The following KAZN variants were observed in gnomAD, a reference collection of about 807,000 sequenced individuals.
The protein encoded by KAZN is kazrin, periplakin interacting protein, also known as kazrin.
In KAZN, 40 loss-of-function variants were observed where a neutral mutation model predicts 87.4. The ratio of observed to expected loss-of-function variants is 0.46; its 90% CI spans 0.36 to 0.60. KAZN has a LOEUF of 0.60. Among genes scored for constraint, KAZN ranks in the 20% least tolerant of loss-of-function variants. The pLI is 0.00. For missense variants in KAZN, 898 were observed against 1,073.9 expected, an observed-to-expected ratio of 0.84 and a Z score of 2.29; for synonymous variants, 466 against 458.3, an observed-to-expected ratio of 1.02 and a Z score of -0.22.
rs183402782 is a variant in KAZN at position 13,966,795 on chromosome 1, A to C, written c.91+73039A>C. Among the ~76,000 whole-genome samples the C allele has an allele frequency of 6.0e-4, 92 of 152,366 alleles. No homozygotes were observed. The Middle Eastern group carries it at 0.02, about 34-fold the overall frequency. On this transcript the variant is annotated intron_variant, in intron 1 of 16. Coordinates refer to the KAZN transcript ENST00000636203. ...TTTTTTATAATTTTTTATATTGGTTACTTGTTGACCTGGTTGTTTTTTGAT... is the reference window on the plus strand; with the variant it reads ...TTTTTTATAATTTTTTATATTGGTTCCTTGTTGACCTGGTTGTTTTTTGAT...
intron 1 of KAZN, among the ~76,000 whole-genome samples, chr1:14,834,787 G>A (rs1278427143): frequency 1.3e-5 from 2 of 151,716 alleles, no homozygotes; most frequent in African/African-American, 4.9e-5. Context: ...CTACCCTGAT[G>A]GAGCTTGGAG....
rs1206723944 is a variant in KAZN, at chr1:14,589,896, GCAGAAGTC to G, written c.250-9084_250-9077del. On this transcript the variant is annotated intron_variant, in intron 2 of 16. Coordinates refer to the KAZN transcript ENST00000636203. ...AGTAGAAAGAAATGAACTCAAGGAA[GCAGAAGTC>G]CATAAGAATCTGGGAAAAGAATGGG... Among the ~76,000 whole-genome samples, 3 of 152,280 alleles carry G rather than the reference GCAGAAGTC, an allele frequency of 2.0e-5. No homozygotes were observed. In the East Asian group the frequency reaches 5.8e-4, roughly 29 times the overall value.
chr1:14,351,484 GGGA>G (rs1658545309), intron 2 of KAZN, among the ~76,000 whole-genome samples: 1 of 152,164 alleles, frequency 6.6e-6, no homozygotes, highest in African/African-American at 2.4e-5. Flanking sequence ...GCTTGAACCC[GGGA>G]GGAGGAGGTT....
At chr1:15,103,494 G>A (rs1016281027) in intron 12 of KAZN, 34 bp downstream of exon 12, 9 of 1,383,160 alleles carry the variant, frequency 6.5e-6, no homozygotes, top group South Asian at 2.5e-5. Context: ...GGTGACTCTC[G>A]GGCATACACA....
At chr1:14,223,208 A>G (rs1647147262) in intron 2 of KAZN, 1 of 152,128 alleles carries the variant, frequency 6.6e-6, no homozygotes, top group African/African-American at 2.4e-5. Context: ...AGCAAGAAAC[A>G]CCTTTTGGGG....
chr1:14,754,070 C>T (rs1241293694), intron 1 of KAZN, among the ~76,000 whole-genome samples: 1 of 152,178 alleles, frequency 6.6e-6, no homozygotes, highest in Admixed American at 6.5e-5. Flanking sequence ...TCGACGTAGG[C>T]TGTGTACATT....
At chr1:14,497,972 A>G (rs1338961933) in intron 2 of KAZN, among the ~76,000 whole-genome samples, 1 of 152,206 alleles carries the variant, frequency 6.6e-6, no homozygotes, top group African/African-American at 2.4e-5. Context: ...GTTAAAACTC[A>G]AGCTTTGCAG....
At chr1:14,038,966 C>T (rs1403349924) in intron 1 of KAZN, among the ~76,000 whole-genome samples, 2 of 151,932 alleles carry the variant, frequency 1.3e-5, no homozygotes, top group Admixed American at 6.6e-5. Context: ...GAGATTGAGA[C>T]CATCCTGGCC....
chr1:14,057,405 T>C (rs1348366030), intron 1 of KAZN, among the ~76,000 whole-genome samples: 13 of 152,218 alleles, frequency 8.5e-5, no homozygotes, highest in Admixed American at 8.5e-4. Flanking sequence ...AGTGCTGGGA[T>C]TATAGGCGTG....
At chr1:14,467,695 AGT>A (rs1460753318) in intron 2 of KAZN, among the ~76,000 whole-genome samples, 19 of 150,650 alleles carry the variant, frequency 1.3e-4, no homozygotes, top group African/African-American at 3.4e-4. Context: ...AAAAAAAAAA[AGT>A]AGACTTTACA....
At chr1:15,069,855 C>T (rs145097706) in intron 8 of KAZN, among the ~76,000 whole-genome samples, 407 of 152,256 alleles carry the variant, frequency 2.7e-3, no homozygotes, top group East Asian at 0.012. Flanking sequence ...CTCAGTGGCC[C>T]GTCTGTGTGC....
chr1:15,078,337 G>T (rs1036797896), intron 8 of KAZN, among the ~76,000 whole-genome samples: 1 of 152,000 alleles, frequency 6.6e-6, no homozygotes, highest in African/African-American at 2.4e-5. Flanking sequence ...CCTAGGAAGC[G>T]GATGTTGCAG....
At position 13,943,452 on chromosome 1, in the gene KAZN, A is replaced by T. The variant is rs543614903; in HGVS notation, c.91+49696A>T. 5.0e-4 allele frequency among the ~76,000 whole-genome samples: 72 copies of T among 144,698 alleles called. 1 individual carries two copies. The highest frequency in any genetic ancestry group is 1.9e-3 in the East Asian group (10 of 5,180). The allele number at this position is 144,698 out of a possible 152,430, so 94.9% of individuals were successfully genotyped here. On this transcript the variant is annotated intron_variant, in intron 1 of 16. Transcript: ENST00000636203. Reference sequence around the variant, plus strand: ...AGACCCCATCTCTATGTTAAAAAAAATTTTTTAAAAAAAATAATAACCACC... The same window carrying T: ...AGACCCCATCTCTATGTTAAAAAAATTTTTTTAAAAAAAATAATAACCACC...
intron 2 of KAZN, among the ~76,000 whole-genome samples, chr1:14,487,899 C>T (rs2148403030): frequency 1.3e-5 from 2 of 152,266 alleles, no homozygotes; most frequent in Middle Eastern, 3.4e-3. Flanking sequence ...GAATGGGAGG[C>T]TTGGAACGGA....
chr1:14,996,535 C>G lies in KAZN; in HGVS notation c.418+35660C>G, dbSNP rs1296038728. Among the ~76,000 whole-genome samples the G allele has an allele frequency of 6.6e-6, 1 of 152,184 alleles. No homozygotes were observed. ...AGCTGCCAAATTCCCCCACCTTGTT[C>G]TCCAAGGAGGTCCCCTGACCACACC... On this transcript the variant is annotated intron_variant, in intron 2 of 14. Coordinates refer to ENST00000376030, the MANE Select transcript of KAZN (RefSeq NM_201628.3). This position sits in a 1 kb window ranked among gnomAD's most constrained non-coding sequence, Gnocchi z 5.9.
chr1:13,959,874 A>T (rs1641686994), intron 1 of KAZN, among the ~76,000 whole-genome samples: 1 of 152,186 alleles, frequency 6.6e-6, no homozygotes, highest in Admixed American at 6.5e-5. Context: ...TGGCTTATAA[A>T]TAGCACCTAA....
chr1:14,737,674 T>A (rs1643949660), intron 1 of KAZN, among the ~76,000 whole-genome samples: 1 of 152,206 alleles, frequency 6.6e-6, no homozygotes, highest in African/African-American at 2.4e-5. Context: ...TGAGCTGCAT[T>A]TCTTCTGTAA....
At chr1:14,005,530 G>T (rs552353768) in intron 1 of KAZN, among the ~76,000 whole-genome samples, 95 of 152,312 alleles carry the variant, frequency 6.2e-4, no homozygotes, top group African/African-American at 2.2e-3. Context: ...TAGACTCATG[G>T]TGTAGACAGT....
At chr1:14,258,165 C>G (rs937353300) in intron 2 of KAZN, among the ~76,000 whole-genome samples, 2 of 130,502 alleles carry the variant, frequency 1.5e-5, no homozygotes, top group Admixed American at 1.5e-4. Context: ...CAAAACTGTC[C>G]CAAAACTGTA....
Sources: gnomAD v4.1 joint callset for allele counts (sites outside exome capture counted in the v4.1 genomes callset) on GRCh38, gnomAD v4.1.1 for gene constraint, Gnocchi (gnomAD v3.1) non-coding constraint, MANE v1.5 for transcripts, NCBI Gene and HGNC (gene_info 2026-07-23, HGNC 2026-07-21) for gene names.